The following BRAF variants were observed in gnomAD, a reference collection of about 807,000 sequenced individuals.
BRAF encodes the protein serine/threonine-protein kinase B-raf.
BRAF carries 16 observed loss-of-function variants against 104.6 expected under a neutral mutation model. The ratio of observed to expected loss-of-function variants is 0.15; its 90% CI spans 0.10 to 0.23. The LOEUF is 0.23. Ranked by LOEUF, BRAF falls within the 10% of genes least tolerant of loss-of-function variation. The pLI is 1.00. For synonymous variants in BRAF, 310 were observed against 341.6 expected (o/e 0.91, Z 1.02); for missense variants, 541 against 937.3 (o/e 0.58, Z 5.52).
intron 3 of BRAF, among the ~76,000 whole-genome samples, chr7:140,818,952 A>G (rs1339127584): frequency 6.6e-6 from 1 of 152,156 alleles, no homozygotes; most frequent in African/African-American, 2.4e-5. Flanking sequence ...AAAACAAAGA[A>G]GATACTGAAG....
intron 3 of BRAF, among the ~76,000 whole-genome samples, chr7:140,833,399 C>G (rs1470752222): frequency 1.3e-5 from 2 of 152,146 alleles, no homozygotes; most frequent in Non-Finnish European, 2.9e-5. Flanking sequence ...AATTTAAGAT[C>G]TACTGGGGAT....
At chr7:140,825,461 G>A (rs1805942216) in intron 3 of BRAF, among the ~76,000 whole-genome samples, 1 of 152,044 alleles carries the variant, frequency 6.6e-6, no homozygotes, top group African/African-American at 2.4e-5. Context: ...TGTGCTTCTG[G>A]TGTCATATTT....
chr7:140,764,360 T>A (rs1275450080), intron 14 of BRAF, among the ~76,000 whole-genome samples: 4 of 150,912 alleles, frequency 2.7e-5, no homozygotes, highest in African/African-American at 9.8e-5. Context: ...GGGCAAAAAC[T>A]GGAAGCATTC....
At position 140,720,033 on chromosome 7, in the gene BRAF, A is replaced by G. The variant is rs1795246974; in HGVS notation, c.*6461T>C. ...GTCATGTCCTCAAACCAAGGAATAC[A>G]TGAAAAGGGGGGATTTCCTTTTTCT... is the stretch of plus-strand genomic sequence containing the variant. On this transcript the variant is annotated 3_prime_UTR_variant, in exon 20 of 20. Transcript: ENST00000644969. 1.9e-6 allele frequency: 2 copies of G among 1,061,694 alleles called. No individual in the cohort carries two copies. Among genetic ancestry groups the G allele is most frequent in the Non-Finnish European group, 2.3e-6 (2 of 876,954 alleles). The allele number at this position is 1,061,694 out of a possible 1,614,324, so 65.8% of individuals were successfully genotyped here.
chr7:140,853,146 C>T lies in BRAF; in HGVS notation c.139-2934G>A, dbSNP rs555007965. Reference sequence around the variant, plus strand: ...ACTGCAGGCCATGCATGGTGGCTCACGCCTGTAATCTCAGCACTTTGGGAG... The same window carrying T: ...ACTGCAGGCCATGCATGGTGGCTCATGCCTGTAATCTCAGCACTTTGGGAG... On this transcript the variant is annotated intron_variant, in intron 1 of 19. Transcript: ENST00000644969. 1.1e-4 allele frequency among the ~76,000 whole-genome samples: 16 copies of T among 151,734 alleles called. No homozygotes were observed. The South Asian group carries it at 1.5e-3, about 14-fold the overall frequency.
At chr7:140,744,493 C>T (rs988640160) in intron 17 of BRAF, among the ~76,000 whole-genome samples, 12 of 152,212 alleles carry the variant, frequency 7.9e-5, no homozygotes, top group South Asian at 4.1e-4. Flanking sequence ...GTCAGTGAGT[C>T]TTGAGCAGCT....
At chr7:140,808,141 T>C in intron 4 of BRAF, 79 bp from the exon 5 acceptor site, 1 of 1,195,134 alleles carries the variant, frequency 8.4e-7, no homozygotes, top group East Asian at 2.4e-5. Flanking sequence ...GATATGAAAA[T>C]TGGTTATCGA....
chr7:140,728,480 T>C (rs945540037), intron 19 of BRAF, among the ~76,000 whole-genome samples: 3 of 151,258 alleles, frequency 2.0e-5, no homozygotes, highest in African/African-American at 7.3e-5. Flanking sequence ...AGTCCAAAGA[T>C]CAAGAAAGGG....
intron 1 of BRAF, among the ~76,000 whole-genome samples, chr7:140,885,495 T>C (rs1392056140): frequency 6.6e-6 from 1 of 152,184 alleles, no homozygotes; most frequent in Non-Finnish European, 1.5e-5. Flanking sequence ...GAAAATAATT[T>C]TGACCTCAAG....
intron 1 of BRAF, among the ~76,000 whole-genome samples, chr7:140,913,109 C>G (rs376438047): frequency 4.7e-4 from 72 of 152,284 alleles, no homozygotes; most frequent in African/African-American, 1.6e-3. Flanking sequence ...GAGGCCTACC[C>G]TGACCTCCCT....
rs968906376 is a variant in BRAF, at chr7:140,721,035, T to C, written c.*5459A>G. 1 of 1,063,702 alleles carries C rather than the reference T, an allele frequency of 9.4e-7. No individual in the cohort carries two copies. Among genetic ancestry groups the C allele is most frequent in the Non-Finnish European group, 1.1e-6 (1 of 878,308 alleles). 65.9% of individuals were successfully genotyped at this position (1,063,702 alleles called of 1,614,324 possible). On this transcript the variant is annotated 3_prime_UTR_variant, in exon 20 of 20. Coordinates refer to ENST00000644969, the MANE Select transcript of BRAF (RefSeq NM_001374258.1). Reference sequence around the variant, plus strand: ...TTTGATACTACCATGAATAAACATATTTTAGTTGTTTTCAGAGCACTTCTA... The same window carrying C: ...TTTGATACTACCATGAATAAACATACTTTAGTTGTTTTCAGAGCACTTCTA...
At chr7:140,881,485 C>T (rs552354512) in intron 1 of BRAF, among the ~76,000 whole-genome samples, 1 of 152,294 alleles carries the variant, frequency 6.6e-6, no homozygotes, top group South Asian at 2.1e-4. Context: ...GAACTCCTAG[C>T]CTCAAGTGAT....
chr7:140,880,195 CAACT>C (rs1402876854), intron 1 of BRAF, among the ~76,000 whole-genome samples: 3 of 152,204 alleles, frequency 2.0e-5, no homozygotes, highest in Non-Finnish European at 4.4e-5. Flanking sequence ...AGTGCTTCAT[CAACT>C]AATTTTATGT....
chr7:140,896,380 C>T (rs974562445), intron 1 of BRAF, among the ~76,000 whole-genome samples: 2 of 152,116 alleles, frequency 1.3e-5, no homozygotes, highest in African/African-American at 4.8e-5. Flanking sequence ...TAATACCAAT[C>T]CTCCACATCC....
At chr7:140,717,227 G>A (rs1232663389), downstream of BRAF, among the ~76,000 whole-genome samples, 1 of 152,112 alleles carries the variant, frequency 6.6e-6, no homozygotes, top group Non-Finnish European at 1.5e-5. Context: ...TAAGCCTAGC[G>A]AGTCATATCC....
At chr7:140,860,465 G>GAAAAAAAAAAAAAAAAA (rs746617365) in intron 1 of BRAF, among the ~76,000 whole-genome samples, 1 of 62,164 alleles carries the variant, frequency 1.6e-5, no homozygotes, top group Non-Finnish European at 2.8e-5. Flanking sequence ...CCCATCTCTA[G>GAAAAAAAAAAAAAAAAA]AAAAAAAAAA....
chr7:140,781,006 C>T (rs1800818186), intron 12 of BRAF: 1 of 154,248 alleles, frequency 6.5e-6, no homozygotes, highest in South Asian at 2.0e-4. Context: ...AATCTCAGCT[C>T]ACTGCAACCT....
chr7:140,795,407 TA>T (rs1330224407), intron 7 of BRAF, among the ~76,000 whole-genome samples: 1 of 152,228 alleles, frequency 6.6e-6, no homozygotes, highest in Admixed American at 6.5e-5. Flanking sequence ...AATGAATGGC[TA>T]AGTGCCAATA....
chr7:140,845,591 T>C (rs1309754683), intron 2 of BRAF, among the ~76,000 whole-genome samples: 3 of 152,104 alleles, frequency 2.0e-5, no homozygotes, highest in Non-Finnish European at 4.4e-5. Flanking sequence ...AATAAAAGGC[T>C]CAACATTGTT....
Sources: gnomAD v4.1 joint callset for allele counts (sites outside exome capture counted in the v4.1 genomes callset) on GRCh38, gnomAD v4.1.1 for gene constraint, MANE v1.5 for transcripts, NCBI Gene and HGNC (gene_info 2026-07-23, HGNC 2026-07-21) for gene names.